LAMA5: variants seen among roughly 807,000 people sequenced by gnomAD.
The protein encoded by LAMA5 is laminin subunit alpha 5.
Under a neutral mutation model 433.4 loss-of-function variants are expected in LAMA5, and 260 were observed. That is an observed-to-expected ratio of 0.60 (90% CI 0.54 to 0.66). The LOEUF (loss-of-function observed/expected upper bound fraction) is 0.66. Among genes scored for constraint, LAMA5 ranks in the 30% least tolerant of loss-of-function variants. The pLI is 0.00. For missense variants in LAMA5, 5,378 were observed against 5,258.5 expected (o/e 1.02, Z -0.70); for synonymous variants, 2,620 against 2,226.6 (o/e 1.18, Z -4.97).
At chr20:62,316,794 C>CGT in intron 56 of LAMA5, 21 bp from the exon 57 acceptor site, 1 of 1,587,344 alleles carries the variant, frequency 6.3e-7, no homozygotes, top group Non-Finnish European at 8.6e-7. Context: ...CAGGGCAGAC[C>CGT]GTGGCTCAGA....
chr20:62,309,614 TGGGAGGGGGCAGGGGGTGGAGGGGTGGG>T, intron 79 of LAMA5, 74 bp downstream of exon 79: 1 of 336,956 alleles, frequency 3.0e-6, no homozygotes, highest in Non-Finnish European at 4.7e-6. Flanking sequence ...GGGAGGAGGG[TGGGAGGGGGCAGGGGGTGGAGGGGTGGG>T]GGGAGGGTGG....
intron 1 of LAMA5, among the ~76,000 whole-genome samples, chr20:62,366,623 G>C (rs1027492854): frequency 1.3e-5 from 2 of 152,182 alleles, no homozygotes; most frequent in Non-Finnish European, 2.9e-5. Flanking sequence ...GCCAAGTCCC[G>C]CCCTCCCCGG....
intron 28 of LAMA5, among the ~76,000 whole-genome samples, chr20:62,331,488 G>A (rs1241415812): frequency 2.6e-5 from 4 of 151,998 alleles, no homozygotes; most frequent in East Asian, 3.9e-4. Flanking sequence ...AGGCCTATGC[G>A]GCTCCTCCCA....
intron 6 of LAMA5, 133 bp downstream of exon 6, chr20:62,351,571 C>T (rs1318599663): frequency 1.9e-5 from 15 of 802,088 alleles, no homozygotes; most frequent in African/African-American, 3.4e-5. Flanking sequence ...CAGTGCAGGT[C>T]ACACAGACAG....
rs746806490 is a variant in LAMA5 at position 62,367,027 on chromosome 20, G to A, written c.219C>T (p.Ser73=). 2.4e-6 allele frequency: 3 copies of A among 1,274,832 alleles called. No homozygotes were observed. Among genetic ancestry groups the A allele is most frequent in the South Asian group, 3.1e-5 (1 of 31,814 alleles). 79.0% of individuals were successfully genotyped at this position (1,274,832 alleles called of 1,614,324 possible). A position where few individuals can be genotyped will look rare whatever the true frequency, so the allele number is the denominator to read the frequency against. Residue 73 remains serine (S), a synonymous_variant, in exon 1 of 80, where the codon TCC becomes TCT. Coordinates refer to ENST00000252999, the MANE Select transcript of LAMA5 (RefSeq NM_005560.6). ...TCGEEAPARG[S]PRPTEDLYCK... Reference sequence around the variant, plus strand: ...AGTAAAGGTCCTCGGTGGGGCGCGGGGAGCCGCGCGCCGGGGCCTCCTCTC... The same window carrying A: ...AGTAAAGGTCCTCGGTGGGGCGCGGAGAGCCGCGCGCCGGGGCCTCCTCTC...
chr20:62,326,502 G>A (rs1020949144), intron 40 of LAMA5, 175 bp downstream of exon 40: 8 of 595,258 alleles, frequency 1.3e-5, no homozygotes, highest in Non-Finnish European at 2.4e-5. Flanking sequence ...AGGGTGACCA[G>A]CACAGAAGAT....
chr20:62,352,497 A>G, intron 3 of LAMA5, 137 bp from the exon 4 acceptor site: 1 of 648,588 alleles, frequency 1.5e-6, no homozygotes, highest in African/African-American at 1.8e-5. Flanking sequence ...CAGAGACCAC[A>G]GCTCACTGGC....
chr20:62,359,946 C>A lies in LAMA5; in HGVS notation c.450+2454G>T, dbSNP rs1271244845. ...TGCCCAGTGCCAGCCGCCCCCACCC[C>A]CGTCCCAGGGCATCCGCTCCAGATC... On this transcript the variant is annotated intron_variant, in intron 2 of 79. Transcript: ENST00000252999. This position sits in a 1 kb window ranked among gnomAD's most constrained non-coding sequence, Gnocchi z 4.3. Among the ~76,000 whole-genome samples, 2 of 151,766 alleles carry A rather than the reference C, an allele frequency of 1.3e-5. No individual in the cohort carries two copies. Among genetic ancestry groups the A allele is most frequent in the Non-Finnish European group, 2.9e-5 (2 of 67,852 alleles).
chr20:62,330,860 G>A lies in LAMA5; in HGVS notation c.3735C>T (p.Gly1245=). 1 of 1,541,772 alleles carries A rather than the reference G, an allele frequency of 6.5e-7. No individual in the cohort carries two copies. The highest frequency in any genetic ancestry group is 2.0e-5 in the Admixed American group (1 of 49,984). The change falls in exon 30 of 80, where the codon GGC becomes GGT. Residue 1245 remains glycine (G), a synonymous_variant. Transcript: ENST00000252999. ...RDCQVIPLPP[G]LPLTHAQDLT... is the part of the protein sequence containing the mutation. ...GATCCTGCGCGTGGGTCAGCGGGAG[G>A]CCGGGCGGCAGCGGGATCACCTGGC...
chr20:62,324,159 C>G lies in LAMA5; in HGVS notation c.5689G>C (p.Ala1897Pro), dbSNP rs1267503597. The G allele has an allele frequency of 3.8e-6, 6 of 1,561,922 alleles. No individual in the cohort carries two copies. Among genetic ancestry groups the G allele is most frequent in the Non-Finnish European group, 4.3e-6 (5 of 1,163,252 alleles). The change falls in exon 43 of 80, where the codon GCT becomes CCT. Residue 1897 changes from alanine to proline, a missense_variant. Transcript: ENST00000252999. The surrounding 1 kb of genome is among the most constrained non-coding windows in gnomAD (Gnocchi z 4.4). ...TCGTCCCTGCTGCTCACGAAGCCAG[C>G]CTGGCAGCGCTCACAGTGGGCCCCT... ...TEGAHCERCQ[A>P]GFVSSRDDPS...
Position 62,311,051 on chromosome 20 carries a change from G to C in LAMA5, c.10132C>G (p.Leu3378Val), listed in dbSNP as rs1001973619. 1.2e-6 allele frequency: 2 copies of C among 1,602,768 alleles called. No individual in the cohort carries two copies. Among genetic ancestry groups the C allele is most frequent in the African/African-American group, 1.3e-5 (1 of 74,584 alleles). ...CTCAGACGGGCAGTGAAGAGGAGGAGGCCTCGGGAGCTTCGCGGGAGGACG... is the reference window on the plus strand; with the variant it reads ...CTCAGACGGGCAGTGAAGAGGAGGACGCCTCGGGAGCTTCGCGGGAGGACG... ...MHVLPRSSRG[L>V]LLFTARLRPG... Residue 3378 changes from leucine (L) to valine (V), a missense_variant, in exon 74 of 80, where the codon CTC becomes GTC. Physicochemically the swap from Leu to Val is conservative, Grantham distance 32. Coordinates refer to ENST00000252999, the MANE Select transcript of LAMA5 (RefSeq NM_005560.6).
intron 2 of LAMA5, 28 bp from the exon 3 acceptor site, chr20:62,353,279 C>G: frequency 6.6e-7 from 1 of 1,506,920 alleles, no homozygotes. Flanking sequence ...GTCAGGGGAG[C>G]CAGGGGCGCC....
rs935943380 is a variant in LAMA5, at chr20:62,338,379, AG to A, written c.1619-11del. On this transcript the variant is annotated splice_polypyrimidine_tract_variant and intron_variant, in intron 12 of 79. Coordinates refer to ENST00000252999, the MANE Select transcript of LAMA5 (RefSeq NM_005560.6). ...CTGGAACACTGGCAGGCTGCAGGAA[AG>A]GGTGGCCCACATGCTTGGTCAGAGG... 4 of 1,606,746 alleles carry A rather than the reference AG, an allele frequency of 2.5e-6. No individual in the cohort carries two copies. Among genetic ancestry groups the A allele is most frequent in the Admixed American group, 3.4e-5 (2 of 59,540 alleles).
Position 62,310,514 on chromosome 20 carries a change from C to T in LAMA5, c.10505G>A (p.Gly3502Glu). The T allele has an allele frequency of 6.4e-7, 1 of 1,556,272 alleles. No homozygotes were observed. Among genetic ancestry groups the T allele is most frequent in the Non-Finnish European group, 8.6e-7 (1 of 1,158,276 alleles). ...KRLRLHGRPL[G>E]APTRMAGVTP... The stretch of plus-strand genomic sequence containing the variant: ...GACCCCTGCCATCCGTGTGGGGGCC[C>T]CCAGGGGCCTCCCGTGCAGCCTCAG... The change falls in exon 76 of 80, where the codon GGG becomes GAG. Residue 3502 changes from glycine to glutamate, a missense_variant. Physicochemically the swap from Gly to Glu is moderately conservative, Grantham distance 98. Coordinates refer to ENST00000252999, the MANE Select transcript of LAMA5 (RefSeq NM_005560.6).
In LAMA5 at chr20:62,314,902, C is replaced by T. The variant is rs1479474147; in HGVS notation, c.8093G>A (p.Ser2698Asn). 6.2e-7 allele frequency: 1 copy of T among 1,609,908 alleles called. No individual in the cohort carries two copies. Among genetic ancestry groups the T allele is most frequent in the Admixed American group, 1.7e-5 (1 of 59,956 alleles). The part of the protein sequence containing the change: ...KTLPQLLAKL[S>N]ILENRGVHNA... ...GTGCACCCCACGGTTCTCCAGGATG[C>T]TCAGCTTGGCCAGCAGCTGGGGCAG... The change falls in exon 60 of 80, where the codon AGC (serine) becomes AAC (asparagine). Residue 2698 changes from serine (S) to asparagine (N), a missense_variant. Ser to Asn is a conservative substitution (Grantham distance 46). Coordinates refer to ENST00000252999, the MANE Select transcript of LAMA5 (RefSeq NM_005560.6).
At chr20:62,362,982 CAAG>C (rs760282517) in intron 1 of LAMA5, among the ~76,000 whole-genome samples, 12 of 152,016 alleles carry the variant, frequency 7.9e-5, no homozygotes, top group Non-Finnish European at 1.8e-4. Flanking sequence ...CCAAAGGGAG[CAAG>C]AAGGGGCAGG....
At chr20:62,362,357 GA>G in intron 2 of LAMA5, 42 bp downstream of exon 2, 1 of 1,429,550 alleles carries the variant, frequency 7.0e-7, no homozygotes, top group South Asian at 1.6e-5. Context: ...GACGGGCACA[GA>G]CACAGAGATG....
At chr20:62,328,801 A>C (rs1979789318) in intron 34 of LAMA5, 43 bp downstream of exon 34, 1 of 1,584,656 alleles carries the variant, frequency 6.3e-7, no homozygotes, top group Admixed American at 1.7e-5. Flanking sequence ...GGGCTCTGGC[A>C]CCAACTCCCT....
At position 62,322,324 on chromosome 20, in the gene LAMA5, G is replaced by T; in HGVS notation, c.6291C>A (p.Pro2097=). The T allele has an allele frequency of 6.3e-7, 1 of 1,599,938 alleles. No homozygotes were observed. The highest frequency in any genetic ancestry group is 1.1e-5 in the South Asian group (1 of 89,426). The change falls in exon 47 of 80, where the codon CCC becomes CCA. Residue 2097 remains proline, a synonymous_variant. Transcript: ENST00000252999. ...QCHCRPGTMG[P]QCRECAPGYW... ...AGCCAGGGGCACACTCGCGGCACTGGGGTCCCATGGTCCCTGGTCGGCAGT... is the reference window on the plus strand; with the variant it reads ...AGCCAGGGGCACACTCGCGGCACTGTGGTCCCATGGTCCCTGGTCGGCAGT...
Sources: gnomAD v4.1 joint callset for allele counts (sites outside exome capture counted in the v4.1 genomes callset) on GRCh38, gnomAD v4.1.1 for gene constraint, Gnocchi (gnomAD v3.1) non-coding constraint, MANE v1.5 for transcripts, NCBI Gene and HGNC (gene_info 2026-07-23, HGNC 2026-07-21) for gene names.